The following ADNP variants were observed in gnomAD, a reference collection of about 807,000 sequenced individuals.
ADNP encodes activity-dependent neuroprotector homeobox protein.
In ADNP, 4 loss-of-function variants were observed where a neutral mutation model predicts 84.9. The observed-to-expected ratio is 0.05, with a 90% CI of 0.02 to 0.11. The LOEUF (loss-of-function observed/expected upper bound fraction) is 0.11, where lower values mean the gene tolerates loss of function less well. Among genes scored for constraint, ADNP ranks in the 10% least tolerant of loss-of-function variants. The pLI, the probability that ADNP is intolerant of heterozygous loss-of-function variation, is 1.00. For synonymous variants in ADNP, 554 were observed against 468.1 expected (o/e 1.18, Z -2.37); for missense variants, 1,132 against 1,326.0 (o/e 0.85, Z 2.27).
In ADNP at chr20:50,894,528, A is replaced by G; in HGVS notation, c.202-16T>C. 6.4e-7 allele frequency: 1 copy of G among 1,557,760 alleles called. No individual in the cohort carries two copies. The highest frequency in any genetic ancestry group is 8.6e-7 in the Non-Finnish European group (1 of 1,158,914). On this transcript the variant is annotated splice_polypyrimidine_tract_variant and intron_variant, in intron 5 of 5. Transcript: ENST00000621696. ...TCCGATAGTCCTAAAGTAAACACAA[A>G]AACTAGAATTAGAATGCCACTTCAG...
At chr20:50,930,581 G>A (rs982095260) in intron 1 of ADNP, among the ~76,000 whole-genome samples, 6 of 152,120 alleles carry the variant, frequency 3.9e-5, no homozygotes, top group Non-Finnish European at 7.4e-5. Context: ...GGGCGGAGAA[G>A]GGGGTCGGGC....
rs761240 is a variant in ADNP at position 50,891,355 on chromosome 20, T to G, written c.*50A>C. The G allele has an allele frequency of 0.93, 1,418,007 of 1,520,046 alleles. 661,873 individuals are homozygous for G. Among genetic ancestry groups the G allele is most frequent in the East Asian group, 1 (43,228 of 43,240 alleles). The allele number at this position is 1,520,046 out of a possible 1,614,324, so 94.2% of individuals were successfully genotyped here. On this transcript the variant is annotated 3_prime_UTR_variant, in exon 6 of 6. Transcript: ENST00000621696. The stretch of plus-strand genomic sequence containing the variant: ...AAGACAGCTTTGCAGTCACACTGGA[T>G]ATCAGAGTTCCAGGCTGCAGCATGT...
intron 2 of ADNP, among the ~76,000 whole-genome samples, chr20:50,919,288 AGTG>A (rs1299748658): frequency 0.041 from 3,711 of 90,672 alleles, 108 homozygotes; most frequent in East Asian, 0.076. Context: ...CATATATTTA[AGTG>A]TATATATATA....
intron 3 of ADNP, 118 bp from the exon 4 acceptor site, chr20:50,904,119 T>G (rs1481752249): frequency 2.8e-6 from 2 of 713,644 alleles, no homozygotes; most frequent in African/African-American, 3.5e-5. Context: ...TGCATAGATA[T>G]CCTCATCTAG....
chr20:50,923,193 A>G (rs1209095788), intron 2 of ADNP, among the ~76,000 whole-genome samples: 1 of 152,238 alleles, frequency 6.6e-6, no homozygotes, highest in Non-Finnish European at 1.5e-5. Flanking sequence ...ATGTCCATTT[A>G]TAAATTATTT....
At chr20:50,899,867 ATTT>A (rs142777741) in intron 5 of ADNP, among the ~76,000 whole-genome samples, 2 of 131,270 alleles carry the variant, frequency 1.5e-5, no homozygotes, top group African/African-American at 3.0e-5. Context: ...CAGCTGTACA[ATTT>A]TTTTTTTTTT....
At position 50,900,263 on chromosome 20, in the gene ADNP, C is replaced by G. The variant is rs149679068; in HGVS notation, c.201+1754G>C. Among the ~76,000 whole-genome samples the G allele has an allele frequency of 3.0e-3, 458 of 152,168 alleles. 1 individual carries two copies. Among genetic ancestry groups the G allele is most frequent in the African/African-American group, 0.011 (436 of 41,500 alleles). On this transcript the variant is annotated intron_variant, in intron 5 of 5. Coordinates refer to ENST00000621696, the MANE Select transcript of ADNP (RefSeq NM_001282531.3). ...CTTATAGTATTCAGTATATAGTATTCTCTTATAGTAACATGCCATACAAGT... is the reference window on the plus strand; with the variant it reads ...CTTATAGTATTCAGTATATAGTATTGTCTTATAGTAACATGCCATACAAGT...
At chr20:50,896,586 A>T (rs1981420750) in intron 5 of ADNP, among the ~76,000 whole-genome samples, 1 of 152,064 alleles carries the variant, frequency 6.6e-6, no homozygotes, top group Non-Finnish European at 1.5e-5. Context: ...CTTTAAAAAC[A>T]TTTTTTTTCT....
At chr20:50,929,860 T>C (rs780898136) in intron 1 of ADNP, among the ~76,000 whole-genome samples, 4 of 152,054 alleles carry the variant, frequency 2.6e-5, no homozygotes, top group Non-Finnish European at 5.9e-5. Flanking sequence ...CCTTTGTCTG[T>C]GAAATGGGGT....
rs574363626 is a variant in ADNP, at chr20:50,917,769, T to C, written c.-90+10882A>G. ...CCACACATAAACTCGTGTATCAATA[T>C]TCTCAGCAGTATTATTCATAATACC... On this transcript the variant is annotated intron_variant, in intron 2 of 5. Coordinates refer to ENST00000621696, the MANE Select transcript of ADNP (RefSeq NM_001282531.3). Among the ~76,000 whole-genome samples the C allele has an allele frequency of 3.3e-5, 5 of 152,310 alleles. No homozygotes were observed. In the South Asian group the frequency reaches 1.0e-3, roughly 32 times the overall value.
chr20:50,930,514 C>G (rs1000739609), intron 1 of ADNP, among the ~76,000 whole-genome samples: 1 of 151,918 alleles, frequency 6.6e-6, no homozygotes, highest in Non-Finnish European at 1.5e-5. Context: ...GGGGAGATGC[C>G]CTTAGCTGCA....
Position 50,891,110 on chromosome 20 carries a change from A to C in ADNP, c.*295T>G. 1 of 1,176,282 alleles carries C rather than the reference A, an allele frequency of 8.5e-7. No individual in the cohort carries two copies. Among genetic ancestry groups the C allele is most frequent in the East Asian group, 4.3e-5 (1 of 23,362 alleles). 72.9% of individuals were successfully genotyped at this position (1,176,282 alleles called of 1,614,324 possible). On this transcript the variant is annotated 3_prime_UTR_variant, in exon 6 of 6. Coordinates refer to ENST00000621696, the MANE Select transcript of ADNP (RefSeq NM_001282531.3). ...CTGACCAATCATTTCACAGAGGGAAAGAAATGTTGAAAAGGCAGATAAAAT... is the reference window on the plus strand; with the variant it reads ...CTGACCAATCATTTCACAGAGGGAACGAAATGTTGAAAAGGCAGATAAAAT...
rs1403278522 is a variant in ADNP, at chr20:50,892,491, G to A, written c.2223C>T (p.Phe741=). The change falls in exon 6 of 6, where the codon TTC becomes TTT. Residue 741 remains phenylalanine (F), a synonymous_variant. Coordinates refer to ENST00000621696, the MANE Select transcript of ADNP (RefSeq NM_001282531.3). The part of the protein sequence containing the change: ...KLDDDSDSPS[F]FEEKPEEPVV... ...CAGGCTCTTCAGGCTTCTCTTCAAA[G>A]AAGCTGGGTGAATCACTATCATCAT... 2 of 1,614,036 alleles carry A rather than the reference G, an allele frequency of 1.2e-6. No homozygotes were observed. Among genetic ancestry groups the A allele is most frequent in the Admixed American group, 1.7e-5 (1 of 60,008 alleles).
intron 2 of ADNP, among the ~76,000 whole-genome samples, chr20:50,908,641 G>A (rs1982731357): frequency 1.3e-5 from 2 of 152,208 alleles, no homozygotes; most frequent in African/African-American, 4.8e-5. Flanking sequence ...AGGCGTGGTG[G>A]TGGGCACCTG....
chr20:50,897,132 G>A (rs1434426734), intron 5 of ADNP, among the ~76,000 whole-genome samples: 2 of 152,052 alleles, frequency 1.3e-5, no homozygotes, highest in Non-Finnish European at 2.9e-5. Flanking sequence ...GTAGAGACGG[G>A]GTTTCACCAT....
rs1219862412 is a variant in ADNP, at chr20:50,890,164, A to G, written c.*1241T>C. Reference sequence around the variant, plus strand: ...AAAAAAAAAAAAAAAAAAAAAAAGAAAAACAGATTTTGTACCAGGTGCCTC... The same window carrying G: ...AAAAAAAAAAAAAAAAAAAAAAAGAGAAACAGATTTTGTACCAGGTGCCTC... On this transcript the variant is annotated 3_prime_UTR_variant, in exon 6 of 6. Coordinates refer to ENST00000621696, the MANE Select transcript of ADNP (RefSeq NM_001282531.3). 2.8e-5 allele frequency: 8 copies of G among 288,388 alleles called. No homozygotes were observed. The highest frequency in any genetic ancestry group is 1.8e-4 in the African/African-American group (8 of 45,318). 17.9% of individuals were successfully genotyped at this position (288,388 alleles called of 1,614,324 possible). A position where few individuals can be genotyped will look rare whatever the true frequency, so the allele number is the denominator to read the frequency against.
At position 50,894,095 on chromosome 20, in the gene ADNP, C is replaced by T. The variant is rs1351807614; in HGVS notation, c.619G>A (p.Gly207Arg). The T allele has an allele frequency of 6.2e-7, 1 of 1,614,132 alleles. No homozygotes were observed. Among genetic ancestry groups the T allele is most frequent in the Non-Finnish European group, 8.5e-7 (1 of 1,180,014 alleles). The change falls in exon 6 of 6, where the codon GGG (glycine) becomes AGG (arginine). Residue 207 changes from glycine to arginine, a missense_variant. Physicochemically the swap from Gly to Arg is moderately radical, Grantham distance 125 (BLOSUM62 -2). Coordinates refer to ENST00000621696, the MANE Select transcript of ADNP (RefSeq NM_001282531.3). ...GCATTCGAGCCTAAGGGGACTGCCCCATTGAGTGATTTTTCTCCTGCCTTT... is the reference window on the plus strand; with the variant it reads ...GCATTCGAGCCTAAGGGGACTGCCCTATTGAGTGATTTTTCTCCTGCCTTT... ...IAKAGEKSLNGAVPLGSNARE... is the reference protein window; with the variant it reads ...IAKAGEKSLNRAVPLGSNARE...
intron 2 of ADNP, among the ~76,000 whole-genome samples, chr20:50,920,115 A>G (rs1053786667): frequency 1.3e-5 from 2 of 151,026 alleles, no homozygotes. Context: ...CATCTCTACT[A>G]AAAATACAAA....
rs932758308 is a variant in ADNP at position 50,927,806 on chromosome 20, T to C, written c.-90+845A>G. Among the ~76,000 whole-genome samples the C allele has an allele frequency of 2.6e-5, 4 of 152,326 alleles. No individual in the cohort carries two copies. In the South Asian group the frequency reaches 8.3e-4, roughly 32 times the overall value. ...TTAAGGGAAAATGGCTGTTACCACT[T>C]AGGACATCATTCAACACTGTATCCC... is the stretch of plus-strand genomic sequence containing the variant. On this transcript the variant is annotated intron_variant, in intron 2 of 5. Transcript: ENST00000621696.
Sources: allele counts gnomAD v4.1 joint callset (sites outside exome capture counted in the v4.1 genomes callset), GRCh38; gene constraint gnomAD v4.1.1; transcripts MANE v1.5; gene names NCBI Gene and HGNC (gene_info 2026-07-23, HGNC 2026-07-21).